The following GALNTL6 variants were observed in gnomAD, a reference collection of about 807,000 sequenced individuals.
GALNTL6 encodes the protein polypeptide N-acetylgalactosaminyltransferase-like 6.
A neutral mutation model predicts 73.7 loss-of-function variants in GALNTL6; 46 were observed. The ratio of observed to expected loss-of-function variants is 0.62; its 90% CI spans 0.49 to 0.80. The LOEUF is 0.80. Ranked by LOEUF, GALNTL6 falls within the 30% of genes least tolerant of loss-of-function variation. The probability of loss-of-function intolerance (pLI) is 0.00; values close to 1 mark genes in which losing one functional copy is unlikely to be tolerated. For synonymous variants in GALNTL6, 259 were observed against 263.7 expected (o/e 0.98, Z 0.17); for missense variants, 604 against 755.0 (o/e 0.80, Z 2.34).
chr4:172,042,395 T>A (rs1413782977), intron 2 of GALNTL6, among the ~76,000 whole-genome samples: 1 of 152,072 alleles, frequency 6.6e-6, no homozygotes, highest in African/African-American at 2.4e-5. Context: ...TTTAACTCCA[T>A]AACTTGTATT....
At chr4:172,721,290 A>ATAACC (rs1735459392) in intron 5 of GALNTL6, among the ~76,000 whole-genome samples, 1 of 152,234 alleles carries the variant, frequency 6.6e-6, no homozygotes, top group Admixed American at 6.5e-5. Context: ...GAAACCAAAT[A>ATAACC]CTTGGAAGAA....
intron 2 of GALNTL6, among the ~76,000 whole-genome samples, chr4:171,847,209 T>A (rs1365970808): frequency 2.6e-5 from 4 of 152,092 alleles, no homozygotes; most frequent in Non-Finnish European, 5.9e-5. Flanking sequence ...AATATCACAA[T>A]AAAGTGACTC....
At chr4:172,641,013 C>G (rs1739948179) in intron 5 of GALNTL6, among the ~76,000 whole-genome samples, 1 of 152,002 alleles carries the variant, frequency 6.6e-6, no homozygotes, top group Non-Finnish European at 1.5e-5. Context: ...TGATCCTGGT[C>G]AAAAAACCTT....
chr4:171,961,272 G>C (rs1739211211), intron 2 of GALNTL6, among the ~76,000 whole-genome samples: 1 of 152,054 alleles, frequency 6.6e-6, no homozygotes, highest in African/African-American at 2.4e-5. Flanking sequence ...TTCATACCTT[G>C]TCTAACAGTC....
At chr4:171,910,612 C>T (rs543916394) in intron 2 of GALNTL6, among the ~76,000 whole-genome samples, 1 of 151,798 alleles carries the variant, frequency 6.6e-6, no homozygotes, top group Admixed American at 6.6e-5. Context: ...AAAGAGATGT[C>T]TGTATAAGTA....
chr4:172,357,630 T>TACACAC (rs1386476635), intron 5 of GALNTL6, among the ~76,000 whole-genome samples: 2 of 9,656 alleles, frequency 2.1e-4, no homozygotes, highest in African/African-American at 3.3e-4. Flanking sequence ...TATATATAGA[T>TACACAC]ATATACACAC....
intron 2 of GALNTL6, among the ~76,000 whole-genome samples, chr4:172,199,804 C>G (rs891618969): frequency 6.6e-6 from 1 of 151,960 alleles, no homozygotes; most frequent in Non-Finnish European, 1.5e-5. Context: ...TGGGAAAGTC[C>G]TAAGGCATTC....
chr4:172,409,229 T>C (rs986032467), intron 5 of GALNTL6, among the ~76,000 whole-genome samples: 6 of 152,066 alleles, frequency 3.9e-5, no homozygotes, highest in African/African-American at 1.2e-4. Flanking sequence ...TGGTGATTTA[T>C]ATCCCAAGTA....
At chr4:172,912,260 T>C (rs1476451107) in intron 8 of GALNTL6, among the ~76,000 whole-genome samples, 1 of 152,212 alleles carries the variant, frequency 6.6e-6, no homozygotes, top group African/African-American at 2.4e-5. Context: ...GGTTCCAAGA[T>C]GGCCAAATAG....
At chr4:172,321,053 G>C (rs1740740623) in intron 4 of GALNTL6, among the ~76,000 whole-genome samples, 1 of 152,122 alleles carries the variant, frequency 6.6e-6, no homozygotes, top group Admixed American at 6.5e-5. Flanking sequence ...CATAATTTTT[G>C]ATACAGTATA....
intron 2 of GALNTL6, among the ~76,000 whole-genome samples, chr4:172,141,119 G>A (rs757279631): frequency 2.0e-5 from 3 of 151,908 alleles, no homozygotes; most frequent in Admixed American, 6.6e-5. Context: ...TTTATGTAGT[G>A]TTACTTTGAT....
At chr4:172,826,448 C>G (rs1044221038) in intron 7 of GALNTL6, among the ~76,000 whole-genome samples, 3 of 152,176 alleles carry the variant, frequency 2.0e-5, no homozygotes, top group Non-Finnish European at 4.4e-5. Context: ...ATTCCTTCTA[C>G]AAAAATAGCC....
chr4:172,171,300 G>A (rs1217305352), intron 2 of GALNTL6, among the ~76,000 whole-genome samples: 2 of 151,966 alleles, frequency 1.3e-5, no homozygotes, highest in Non-Finnish European at 2.9e-5. Flanking sequence ...ATCCTAAAAA[G>A]AATATACATT....
intron 5 of GALNTL6, among the ~76,000 whole-genome samples, chr4:172,722,895 C>T (rs1735568538): frequency 6.6e-6 from 1 of 152,122 alleles, no homozygotes; most frequent in South Asian, 2.1e-4. Flanking sequence ...TGCTTTGTGG[C>T]TTAAAACAGT....
intron 2 of GALNTL6, among the ~76,000 whole-genome samples, chr4:172,045,156 A>C (rs970966789): frequency 6.6e-6 from 1 of 152,044 alleles, no homozygotes; most frequent in East Asian, 1.9e-4. Context: ...TTTGATTAGA[A>C]TATGCTTGAA....
chr4:172,411,180 A>G (rs1395026798), intron 5 of GALNTL6, among the ~76,000 whole-genome samples: 1 of 152,202 alleles, frequency 6.6e-6, no homozygotes, highest in Admixed American at 6.5e-5. Context: ...CTGATGAAGT[A>G]GTTACATTAG....
intron 12 of GALNTL6, among the ~76,000 whole-genome samples, chr4:173,036,602 A>G (rs915524888): frequency 1.3e-5 from 2 of 152,246 alleles, no homozygotes; most frequent in African/African-American, 2.4e-5. Context: ...AAACAAAACC[A>G]AAACAAACAG....
chr4:172,566,532 C>G (rs888744489), intron 5 of GALNTL6, among the ~76,000 whole-genome samples: 33 of 151,964 alleles, frequency 2.2e-4, no homozygotes, highest in Admixed American at 6.5e-4. Context: ...TTGTAGAATA[C>G]AGCAAAAGCA....
At chr4:172,320,119 G>A (rs1055757296) in intron 4 of GALNTL6, among the ~76,000 whole-genome samples, 5 of 152,132 alleles carry the variant, frequency 3.3e-5, no homozygotes, top group African/African-American at 9.7e-5. Context: ...TCATAGTACA[G>A]AGGTGGCATC....
Sources: gnomAD v4.1 joint callset for allele counts (sites outside exome capture counted in the v4.1 genomes callset) on GRCh38, gnomAD v4.1.1 for gene constraint, MANE v1.5 for transcripts, NCBI Gene and HGNC (gene_info 2026-07-23, HGNC 2026-07-21) for gene names.